Variants in FGF1 observed in about 807,000 individuals in gnomAD.
FGF1 encodes beta-endothelial cell growth factor.
A neutral mutation model predicts 13.4 loss-of-function variants in FGF1; 9 were observed. The observed-to-expected ratio is 0.67, with a 90% CI of 0.40 to 1.17. The LOEUF (loss-of-function observed/expected upper bound fraction) is 1.17, where lower values mean the gene tolerates loss of function less well. Among genes scored for constraint, FGF1 ranks in the 50% most tolerant of loss-of-function variants. The pLI, the probability that FGF1 is intolerant of heterozygous loss-of-function variation, is 0.01. For synonymous variants in FGF1, 93 were observed against 79.0 expected (o/e 1.18, Z -0.94); for missense variants, 156 against 192.7 (o/e 0.81, Z 1.13).
chr5:142,683,753 G>A (rs543916173), intron 1 of FGF1, among the ~76,000 whole-genome samples: 6 of 146,176 alleles, frequency 4.1e-5, no homozygotes, highest in East Asian at 4.0e-4. Context: ...CCCGGGAGGC[G>A]GAGGTTGCAG....
intron 1 of FGF1, among the ~76,000 whole-genome samples, chr5:142,634,654 C>T (rs1443314777): frequency 1.3e-5 from 2 of 152,144 alleles, no homozygotes; most frequent in Non-Finnish European, 2.9e-5. Context: ...TAGTCCAGTA[C>T]GCAGCATATG....
chr5:142,677,205 T>C (rs1772783685), intron 1 of FGF1, among the ~76,000 whole-genome samples: 1 of 152,198 alleles, frequency 6.6e-6, no homozygotes, highest in Admixed American at 6.5e-5. Context: ...GCTCTTTATG[T>C]CCTTAAAGGT....
intron 2 of FGF1, among the ~76,000 whole-genome samples, chr5:142,602,369 G>C (rs17217324): frequency 6.6e-6 from 1 of 152,072 alleles, no homozygotes; most frequent in African/African-American, 2.4e-5. Flanking sequence ...TAGAGATGGG[G>C]TTTCACCATG....
At chr5:142,634,756 G>A (rs1561621854) in intron 1 of FGF1, among the ~76,000 whole-genome samples, 1 of 152,190 alleles carries the variant, frequency 6.6e-6, no homozygotes, top group East Asian at 1.9e-4. Context: ...GGACTGCAGA[G>A]CTCCTGGCTC....
chr5:142,673,469 A>C (rs951298914), intron 1 of FGF1, among the ~76,000 whole-genome samples: 36 of 152,256 alleles, frequency 2.4e-4, no homozygotes, highest in Admixed American at 1.4e-3. Flanking sequence ...AAATATGACC[A>C]GTTACAAGCA....
chr5:142,667,678 T>A (rs757482567), intron 1 of FGF1, among the ~76,000 whole-genome samples: 3 of 151,662 alleles, frequency 2.0e-5, no homozygotes, highest in Admixed American at 2.0e-4. Context: ...AAAGGGAAGA[T>A]GACAGGAGCG....
chr5:142,690,149 G>C (rs1285935582), upstream of FGF1, among the ~76,000 whole-genome samples: 2 of 150,854 alleles, frequency 1.3e-5, no homozygotes, highest in African/African-American at 4.9e-5. Context: ...GTGAAACCCC[G>C]TCTCTACTAA....
At chr5:142,644,086 A>G (rs926910294) in intron 1 of FGF1, 2 of 152,216 alleles carry the variant, frequency 1.3e-5, no homozygotes, top group African/African-American at 4.8e-5. Context: ...CCTAAAACAA[A>G]AAAGGAAAGC....
intron 1 of FGF1, among the ~76,000 whole-genome samples, chr5:142,648,517 G>A (rs1356017801): frequency 6.6e-6 from 1 of 151,380 alleles, no homozygotes; most frequent in Non-Finnish European, 1.5e-5. Flanking sequence ...GGGGTTGGGG[G>A]GCTAGGGGAG....
chr5:142,643,769 A>G (rs1430416020), intron 1 of FGF1, among the ~76,000 whole-genome samples: 1 of 152,008 alleles, frequency 6.6e-6, no homozygotes, highest in African/African-American at 2.4e-5. Flanking sequence ...TTATAGTAAA[A>G]CAGATCTACA....
chr5:142,671,056 A>C (rs149301369), intron 1 of FGF1, among the ~76,000 whole-genome samples: 100 of 152,344 alleles, frequency 6.6e-4, no homozygotes, highest in African/African-American at 2.3e-3. Flanking sequence ...GTTTCTCAAC[A>C]TGCAACACAA....
rs558328107 is a variant in FGF1 at position 142,691,130 on chromosome 5, G to A, written c.-35+6492C>T. Among the ~76,000 whole-genome samples the A allele has an allele frequency of 2.6e-5, 4 of 152,188 alleles. No homozygotes were observed. The South Asian group carries it at 6.2e-4, about 24-fold the overall frequency. On this transcript the variant is annotated intron_variant, in intron 2 of 4. Coordinates refer to the FGF1 transcript ENST00000407758. ...CTCAAAATTATTGTATTCATAAAATGTTTACTTAGGCTGGGCGTGGTGGCT... is the reference window on the plus strand; with the variant it reads ...CTCAAAATTATTGTATTCATAAAATATTTACTTAGGCTGGGCGTGGTGGCT...
At chr5:142,656,784 A>T (rs58205726) in intron 1 of FGF1, among the ~76,000 whole-genome samples, 18,876 of 152,264 alleles carry the variant, frequency 0.12, 2,386 homozygotes, top group African/African-American at 0.32. Flanking sequence ...CCATGGCTTA[A>T]TTTAAAAATC....
intron 2 of FGF1, among the ~76,000 whole-genome samples, chr5:142,602,141 C>T (rs1756694298): frequency 6.6e-6 from 1 of 151,874 alleles, no homozygotes; most frequent in African/African-American, 2.4e-5. Flanking sequence ...GTTGGTAGAT[C>T]TCGACCCCTC....
At chr5:142,618,924 G>GT (rs1187824250) in intron 1 of FGF1, among the ~76,000 whole-genome samples, 1,095 of 78,074 alleles carry the variant, frequency 0.014, 62 homozygotes, top group African/African-American at 0.036. Flanking sequence ...TTTTTTAGTT[G>GT]TTTTGTTTTT....
chr5:142,690,272 G>C (rs1751974716), upstream of FGF1, among the ~76,000 whole-genome samples: 2 of 152,076 alleles, frequency 1.3e-5, no homozygotes, highest in Admixed American at 1.3e-4. Flanking sequence ...CCGGGAGGCG[G>C]AGCTTGCAGT....
intron 1 of FGF1, among the ~76,000 whole-genome samples, chr5:142,677,940 G>A (rs2152042844): frequency 6.6e-6 from 1 of 152,264 alleles, no homozygotes; most frequent in South Asian, 2.1e-4. Context: ...GAGAAACAGG[G>A]AAAACTTTTG....
At chr5:142,620,643 G>C (rs1761391678) in intron 1 of FGF1, among the ~76,000 whole-genome samples, 1 of 152,128 alleles carries the variant, frequency 6.6e-6, no homozygotes, top group Admixed American at 6.5e-5. Context: ...CCGCAATTAT[G>C]GTGGGAGATT....
At chr5:142,646,616 G>T (rs538924619) in intron 1 of FGF1, among the ~76,000 whole-genome samples, 1 of 152,158 alleles carries the variant, frequency 6.6e-6, no homozygotes, top group South Asian at 2.1e-4. Context: ...CTCCCAAAGT[G>T]CTGGGATTAC....
Sources: gnomAD v4.1 joint callset for allele counts (sites outside exome capture counted in the v4.1 genomes callset) on GRCh38, gnomAD v4.1.1 for gene constraint, MANE v1.5 for transcripts, NCBI Gene and HGNC (gene_info 2026-07-23, HGNC 2026-07-21) for gene names.